CDK14: variants seen among roughly 807,000 people sequenced by gnomAD.
The protein encoded by CDK14 is cyclin-dependent kinase 14.
CDK14 carries 34 observed loss-of-function variants against 60.7 expected under a neutral mutation model. The observed-to-expected ratio is 0.56, with a 90% CI of 0.43 to 0.75. The LOEUF (loss-of-function observed/expected upper bound fraction) is 0.75. CDK14 is among the 30% of genes least tolerant of loss of function. The probability of loss-of-function intolerance (pLI) is 0.00; values close to 1 mark genes in which losing one functional copy is unlikely to be tolerated. For missense variants in CDK14, 482 were observed against 564.1 expected, an observed-to-expected ratio of 0.85 and a Z score of 1.47; for synonymous variants, 197 against 203.7, an observed-to-expected ratio of 0.97 and a Z score of 0.28.
In CDK14 at chr7:90,721,883, G is replaced by T. The variant is rs546723127; in HGVS notation, c.124-4684G>T. On this transcript the variant is annotated intron_variant, in intron 2 of 14. Transcript: ENST00000380050. ...CTGCACTGACCATAAGCATTTTGCT[G>T]TGGGCAGAAAGATTCTATTTGGGGT... Among the ~76,000 whole-genome samples the T allele has an allele frequency of 3.8e-4, 58 of 152,196 alleles. No homozygotes were observed. In the South Asian group the frequency reaches 0.011, roughly 29 times the overall value.
At chr7:91,128,028 G>A (rs1050716259) in intron 14 of CDK14, among the ~76,000 whole-genome samples, 5 of 151,960 alleles carry the variant, frequency 3.3e-5, no homozygotes, top group South Asian at 2.1e-4. Flanking sequence ...ATCTTTTGGC[G>A]TGGAGATCTT....
chr7:91,109,610 A>G (rs1768955317), intron 12 of CDK14, among the ~76,000 whole-genome samples: 1 of 152,180 alleles, frequency 6.6e-6, no homozygotes, highest in African/African-American at 2.4e-5. Context: ...AAATATATCA[A>G]TAATCACAAA....
intron 2 of CDK14, among the ~76,000 whole-genome samples, chr7:90,667,445 C>T (rs1801005693): frequency 6.6e-6 from 1 of 152,028 alleles, no homozygotes; most frequent in Admixed American, 6.6e-5. Context: ...CCATTTTTTT[C>T]TCCCTCCACT....
intron 2 of CDK14, among the ~76,000 whole-genome samples, chr7:90,625,081 G>A (rs903442653): frequency 6.6e-6 from 1 of 152,172 alleles, no homozygotes; most frequent in African/African-American, 2.4e-5. Flanking sequence ...AATTGTGTCT[G>A]GGCACAGTGG....
chr7:90,715,334 G>A (rs1016546266), intron 2 of CDK14, among the ~76,000 whole-genome samples: 2 of 152,050 alleles, frequency 1.3e-5, no homozygotes, highest in African/African-American at 2.4e-5. Context: ...CAAACATTAA[G>A]CATATGTGTG....
intron 9 of CDK14, among the ~76,000 whole-genome samples, chr7:90,960,661 T>G (rs1319065706): frequency 6.6e-6 from 1 of 152,182 alleles, no homozygotes; most frequent in African/African-American, 2.4e-5. Context: ...CATTGCTTTT[T>G]TATTAAATAA....
intron 2 of CDK14, among the ~76,000 whole-genome samples, chr7:90,626,618 A>G (rs1799881296): frequency 6.6e-6 from 1 of 152,238 alleles, no homozygotes; most frequent in Non-Finnish European, 1.5e-5. Flanking sequence ...ATTTCATGTC[A>G]TTAACATTTT....
chr7:90,755,221 C>T (rs1258768650), intron 4 of CDK14, among the ~76,000 whole-genome samples: 2 of 152,138 alleles, frequency 1.3e-5, no homozygotes, highest in South Asian at 2.1e-4. Flanking sequence ...CCTACATGCC[C>T]ATCAGTAGTG....
At chr7:90,827,389 T>C (rs1437230165) in intron 5 of CDK14, among the ~76,000 whole-genome samples, 1 of 152,216 alleles carries the variant, frequency 6.6e-6, no homozygotes, top group Non-Finnish European at 1.5e-5. Context: ...GTTTTGCCAA[T>C]TATGAATAAA....
intron 5 of CDK14, among the ~76,000 whole-genome samples, chr7:90,854,969 A>G (rs1790776024): frequency 6.6e-6 from 1 of 152,170 alleles, no homozygotes; most frequent in African/African-American, 2.4e-5. Flanking sequence ...AAGAAGAGCC[A>G]CATGTCTAGC....
intron 7 of CDK14, among the ~76,000 whole-genome samples, chr7:90,899,568 CATCTT>C (rs1245546350): frequency 6.6e-6 from 1 of 152,008 alleles, no homozygotes; most frequent in African/African-American, 2.4e-5. Context: ...ATTTAGATCT[CATCTT>C]ATATTTTCTT....
chr7:90,666,950 C>T (rs1800991956), intron 2 of CDK14, among the ~76,000 whole-genome samples: 1 of 152,226 alleles, frequency 6.6e-6, no homozygotes, highest in African/African-American at 2.4e-5. Flanking sequence ...AATGAATCTG[C>T]ATATGCCTAT....
At chr7:90,776,213 T>G (rs1410276827) in intron 4 of CDK14, among the ~76,000 whole-genome samples, 2 of 152,172 alleles carry the variant, frequency 1.3e-5, no homozygotes, top group Non-Finnish European at 2.9e-5. Flanking sequence ...AACTTTGCCT[T>G]ACTTTTGTTT....
chr7:90,916,299 C>A (rs574404165), intron 7 of CDK14, among the ~76,000 whole-genome samples: 1 of 152,250 alleles, frequency 6.6e-6, no homozygotes, highest in East Asian at 1.9e-4. Flanking sequence ...GTTTGCATCC[C>A]GAGATTCTTG....
At chr7:90,898,506 T>C (rs543533510) in intron 6 of CDK14, among the ~76,000 whole-genome samples, 1 of 152,220 alleles carries the variant, frequency 6.6e-6, no homozygotes, top group African/African-American at 2.4e-5. Flanking sequence ...TACTGAATGA[T>C]TAAATGTTTC....
intron 14 of CDK14, among the ~76,000 whole-genome samples, chr7:91,199,008 G>A (rs1375990704): frequency 6.6e-6 from 1 of 152,116 alleles, no homozygotes; most frequent in East Asian, 1.9e-4. Context: ...GCACACTCTG[G>A]GGAGTGACTT....
intron 5 of CDK14, among the ~76,000 whole-genome samples, chr7:90,861,464 C>T (rs1791007843): frequency 6.6e-6 from 1 of 152,124 alleles, no homozygotes. Context: ...GTGTGGAGGA[C>T]TTAATCAAAT....
At chr7:91,174,420 A>G (rs371035182) in intron 14 of CDK14, among the ~76,000 whole-genome samples, 236 of 151,202 alleles carry the variant, frequency 1.6e-3, no homozygotes, top group Middle Eastern at 6.9e-3. Context: ...CCAAAGGAAC[A>G]CAGTTCCTCA....
intron 4 of CDK14, among the ~76,000 whole-genome samples, chr7:90,780,916 C>T (rs1267158482): frequency 6.6e-6 from 1 of 151,800 alleles, no homozygotes; most frequent in African/African-American, 2.4e-5. Context: ...GGGTATATAC[C>T]CAGTAATGGG....
Sources: gnomAD v4.1 joint callset for allele counts (sites outside exome capture counted in the v4.1 genomes callset) on GRCh38, gnomAD v4.1.1 for gene constraint, MANE v1.5 for transcripts, NCBI Gene and HGNC (gene_info 2026-07-23, HGNC 2026-07-21) for gene names.